Variants in CSMD1 observed in about 807,000 individuals in gnomAD.
CSMD1 encodes the protein CUB and sushi domain-containing protein 1.
Under a neutral mutation model 417.5 loss-of-function variants are expected in CSMD1, and 213 were observed. The observed-to-expected ratio is 0.51, with a 90% CI of 0.46 to 0.57. The LOEUF is 0.57. CSMD1 is among the 20% of genes least tolerant of loss of function. CSMD1 has a pLI of 0.00. For synonymous variants in CSMD1, 2,862 were observed against 1,736.8 expected (o/e 1.65, Z -16.11); for missense variants, 6,923 against 4,529.7 (o/e 1.53, Z -15.17).
chr8:4,554,541 A>G (rs910869958), intron 2 of CSMD1, among the ~76,000 whole-genome samples: 6 of 152,302 alleles, frequency 3.9e-5, no homozygotes, highest in South Asian at 4.1e-4. Context: ...TGGAGTGATA[A>G]TAGTTGAGTT....
At chr8:4,642,868 TAGAA>T (rs1466615026) in intron 1 of CSMD1, among the ~76,000 whole-genome samples, 1 of 152,178 alleles carries the variant, frequency 6.6e-6, no homozygotes, top group Non-Finnish European at 1.5e-5. Context: ...TTTAGGGACT[TAGAA>T]AGATGTGGAC....
chr8:4,768,966 T>C (rs920059637), intron 1 of CSMD1, among the ~76,000 whole-genome samples: 1 of 152,150 alleles, frequency 6.6e-6, no homozygotes, highest in Non-Finnish European at 1.5e-5. Flanking sequence ...ATAAATTAAC[T>C]TGTGACTAAA....
At chr8:4,321,057 G>C (rs763658179) in intron 3 of CSMD1, among the ~76,000 whole-genome samples, 3 of 152,090 alleles carry the variant, frequency 2.0e-5, no homozygotes, top group African/African-American at 7.2e-5. Flanking sequence ...TTTACACACA[G>C]ATCTCTTATG....
At chr8:3,902,580 G>A (rs1807827648) in intron 5 of CSMD1, among the ~76,000 whole-genome samples, 1 of 152,022 alleles carries the variant, frequency 6.6e-6, no homozygotes, top group Non-Finnish European at 1.5e-5. Flanking sequence ...TTCACAGTAG[G>A]GTTCACGATC....
chr8:3,712,076 T>A (rs1267946779), intron 6 of CSMD1, among the ~76,000 whole-genome samples: 1 of 152,202 alleles, frequency 6.6e-6, no homozygotes, highest in African/African-American at 2.4e-5. Context: ...AGGGAATATA[T>A]GTATTTATTT....
intron 2 of CSMD1, among the ~76,000 whole-genome samples, chr8:4,592,264 G>A (rs1308181677): frequency 6.6e-6 from 1 of 151,398 alleles, no homozygotes; most frequent in Middle Eastern, 3.2e-3. Context: ...AAGTGTCCAG[G>A]AGGGTATTAC....
intron 22 of CSMD1, among the ~76,000 whole-genome samples, chr8:3,346,509 C>A (rs1411317106): frequency 6.6e-6 from 1 of 152,162 alleles, no homozygotes; most frequent in East Asian, 1.9e-4. Flanking sequence ...CCTCATACTG[C>A]CAGTGTGAGA....
chr8:3,028,676 T>C (rs1810121520), intron 51 of CSMD1, among the ~76,000 whole-genome samples: 1 of 152,232 alleles, frequency 6.6e-6, no homozygotes, highest in South Asian at 2.1e-4. Flanking sequence ...TCTTTTTCAA[T>C]TTTTATTCTG....
intron 5 of CSMD1, among the ~76,000 whole-genome samples, chr8:3,878,368 C>G (rs937977432): frequency 6.6e-6 from 1 of 151,998 alleles, no homozygotes; most frequent in African/African-American, 2.4e-5. Context: ...ATTTGATACA[C>G]GAAGAAAATC....
chr8:3,614,434 G>C (rs772071032), intron 8 of CSMD1, among the ~76,000 whole-genome samples: 5 of 152,064 alleles, frequency 3.3e-5, no homozygotes, highest in Non-Finnish European at 7.4e-5. Flanking sequence ...TCTGATCTGA[G>C]AATGAAATGG....
intron 42 of CSMD1, among the ~76,000 whole-genome samples, chr8:3,116,008 T>C (rs1269781799): frequency 6.6e-6 from 1 of 152,192 alleles, no homozygotes; most frequent in African/African-American, 2.4e-5. Context: ...TTGTCAGCAG[T>C]GTTTACCGCT....
intron 10 of CSMD1, among the ~76,000 whole-genome samples, chr8:3,556,527 CA>C (rs1487157208): frequency 8.8e-5 from 13 of 148,034 alleles, no homozygotes; most frequent in African/African-American, 3.3e-4. Flanking sequence ...CACACACACA[CA>C]CACACACACA....
At chr8:3,813,662 T>A (rs1801210857) in intron 5 of CSMD1, among the ~76,000 whole-genome samples, 1 of 152,186 alleles carries the variant, frequency 6.6e-6, no homozygotes, top group South Asian at 2.1e-4. Context: ...ACAAAATTAT[T>A]TAAGTGGCTT....
chr8:3,287,575 G>C (rs549552136), intron 25 of CSMD1, among the ~76,000 whole-genome samples: 1 of 152,262 alleles, frequency 6.6e-6, no homozygotes, highest in East Asian at 1.9e-4. Flanking sequence ...TTGTGAATGG[G>C]AGTTCACTCA....
intron 7 of CSMD1, among the ~76,000 whole-genome samples, chr8:3,662,774 G>A (rs1415987051): frequency 6.6e-6 from 1 of 152,058 alleles, no homozygotes; most frequent in South Asian, 2.1e-4. Context: ...TCACTCATAA[G>A]TGGGGTTGAA....
chr8:3,209,314 TA>T, intron 30 of CSMD1, among the ~76,000 whole-genome samples: 1 of 150,016 alleles, frequency 6.7e-6, no homozygotes, highest in Non-Finnish European at 1.5e-5. Context: ...TTTATTTATT[TA>T]TTTATATTTA....
chr8:3,916,803 G>A (rs999138398), intron 5 of CSMD1, among the ~76,000 whole-genome samples: 3 of 152,100 alleles, frequency 2.0e-5, no homozygotes, highest in African/African-American at 4.8e-5. Flanking sequence ...ATAAGGCTGT[G>A]AAGATGGATT....
intron 1 of CSMD1, among the ~76,000 whole-genome samples, chr8:4,774,448 C>T (rs544200111): frequency 9.2e-5 from 14 of 152,190 alleles, no homozygotes; most frequent in Admixed American, 2.0e-4. Context: ...TAAGTATACT[C>T]CTCTAACAAT....
At chr8:3,501,228 A>G (rs1355428644) in intron 10 of CSMD1, among the ~76,000 whole-genome samples, 2 of 152,166 alleles carry the variant, frequency 1.3e-5, no homozygotes, top group African/African-American at 4.8e-5. Flanking sequence ...GCCTCTGTGC[A>G]TGTGCATACA....
Sources: allele counts gnomAD v4.1 joint callset (sites outside exome capture counted in the v4.1 genomes callset), GRCh38; gene constraint gnomAD v4.1.1; transcripts MANE v1.5; gene names NCBI Gene and HGNC (gene_info 2026-07-23, HGNC 2026-07-21).